XIRP2: variants seen among roughly 807,000 people sequenced by gnomAD.
XIRP2 encodes xin actin-binding repeat-containing protein 2.
In XIRP2, 236 loss-of-function variants were observed where a neutral mutation model predicts 277.0. The ratio of observed to expected loss-of-function variants is 0.85; its 90% confidence interval spans 0.77 to 0.95. The LOEUF (loss-of-function observed/expected upper bound fraction) is 0.95. XIRP2 is among the 40% of genes least tolerant of loss of function. The probability of loss-of-function intolerance (pLI) is 0.00; values close to 1 mark genes in which losing one functional copy is unlikely to be tolerated. For missense variants in XIRP2, 4,640 were observed against 4,157.5 expected, an observed-to-expected ratio of 1.12 and a Z score of -3.19; for synonymous variants, 1,490 against 1,416.5, an observed-to-expected ratio of 1.05 and a Z score of -1.17.
At chr2:167,256,974 C>T (rs1301925936) in intron 10 of XIRP2, among the ~76,000 whole-genome samples, 7 of 151,934 alleles carry the variant, frequency 4.6e-5, no homozygotes, top group Non-Finnish European at 7.4e-5. Flanking sequence ...AGTTCAACCT[C>T]ACTAGCCTCT....
chr2:167,082,469 G>A lies in XIRP2; in HGVS notation c.409-53440G>A, dbSNP rs529279600. Among the ~76,000 whole-genome samples, 1,065 of 152,048 alleles carry A rather than the reference G, an allele frequency of 7.0e-3. 3 individuals carry two copies. Among genetic ancestry groups the A allele is most frequent in the Middle Eastern group, 0.051 (15 of 294 alleles). On this transcript the variant is annotated intron_variant, in intron 2 of 10. Transcript: ENST00000409195. Reference sequence around the variant, plus strand: ...TCTTTGGGTATATACCCAGTAATGGGATGGCTGGGTCAAATGGTATTTCTA... The same window carrying A: ...TCTTTGGGTATATACCCAGTAATGGAATGGCTGGGTCAAATGGTATTTCTA...
At chr2:166,998,853 TG>T (rs998933082) in intron 2 of XIRP2, among the ~76,000 whole-genome samples, 1 of 152,216 alleles carries the variant, frequency 6.6e-6, no homozygotes, top group African/African-American at 2.4e-5. Flanking sequence ...CTGAACCACC[TG>T]AGGTCTCATG....
chr2:166,998,334 C>T (rs952102437), intron 2 of XIRP2, among the ~76,000 whole-genome samples: 1 of 151,974 alleles, frequency 6.6e-6, no homozygotes, highest in African/African-American at 2.4e-5. Context: ...TGTTAAGTTC[C>T]TATGTAAGAA....
intron 3 of XIRP2, among the ~76,000 whole-genome samples, chr2:167,175,992 C>T (rs1469782824): frequency 3.9e-5 from 6 of 152,260 alleles, no homozygotes; most frequent in South Asian, 4.1e-4. Flanking sequence ...CATCCCAGGT[C>T]GACTTCAGAG....
chr2:167,020,175 G>C (rs1396583245), intron 2 of XIRP2, among the ~76,000 whole-genome samples: 2 of 151,772 alleles, frequency 1.3e-5, no homozygotes, highest in African/African-American at 4.8e-5. Context: ...AGAGAAACCA[G>C]GATTAAAGAA....
At chr2:167,075,594 T>G (rs1689544105) in intron 2 of XIRP2, among the ~76,000 whole-genome samples, 1 of 152,164 alleles carries the variant, frequency 6.6e-6, no homozygotes, top group African/African-American at 2.4e-5. Context: ...GCATTATAAT[T>G]TATAGCCAGG....
At chr2:167,170,005 G>A (rs774092355) in intron 3 of XIRP2, among the ~76,000 whole-genome samples, 18 of 152,206 alleles carry the variant, frequency 1.2e-4, no homozygotes, top group South Asian at 4.2e-4. Flanking sequence ...TATAGAAAAA[G>A]CATTCATTTT....
At chr2:167,115,366 A>C (rs574698230) in intron 2 of XIRP2, among the ~76,000 whole-genome samples, 2 of 152,196 alleles carry the variant, frequency 1.3e-5, no homozygotes, top group South Asian at 4.1e-4. Context: ...CTGTCATTTC[A>C]ACCCATTTAA....
In XIRP2 at chr2:167,247,916, C is replaced by T. The variant is rs769914429; in HGVS notation, c.6524C>T (p.Thr2175Ile). The change falls in exon 9 of 11, where the codon ACT becomes ATT. Residue 2175 changes from threonine to isoleucine, a missense_variant. Physicochemically the swap from Thr to Ile is moderately conservative, Grantham distance 89. Coordinates refer to ENST00000409195, the MANE Select transcript of XIRP2 (RefSeq NM_152381.6). ...QHPVSMPVGGTYDLSGDFQKQ... is the reference protein window; with the variant it reads ...QHPVSMPVGGIYDLSGDFQKQ... ...CCAGTCAGCATGCCAGTTGGAGGAA[C>T]TTACGACCTTTCAGGGGACTTTCAG... 40 of 1,612,940 alleles carry T rather than the reference C, an allele frequency of 2.5e-5. No homozygotes were observed. The highest frequency in any genetic ancestry group is 3.3e-5 in the Non-Finnish European group (39 of 1,179,672).
Position 167,239,577 on chromosome 2 carries a change from T to C in XIRP2, c.859-278T>C, listed in dbSNP as rs922910187. Among the ~76,000 whole-genome samples the C allele has an allele frequency of 2.6e-5, 4 of 152,250 alleles. No individual in the cohort carries two copies. In the Middle Eastern group the frequency reaches 0.01, roughly 388 times the overall value. On this transcript the variant is annotated intron_variant, in intron 5 of 10. Transcript: ENST00000409195. ...AAGCTGCAAAAGGCAAGGGAATGGA[T>C]TGTCCCCTCCAGCCTGCAGAACAGA...
Position 167,244,425 on chromosome 2 carries a change from A to G in XIRP2, c.3033A>G (p.Arg1011=). 5.0e-6 allele frequency: 8 copies of G among 1,613,800 alleles called. No individual in the cohort carries two copies. The highest frequency in any genetic ancestry group is 6.8e-6 in the Non-Finnish European group (8 of 1,179,832). The part of the protein sequence containing the change: ...VKTVQQEEIV[R]GDVRSCRWLF... ...CAGTCCAGCAAGAAGAAATCGTAAG[A>G]GGTGATGTAAGAAGCTGTAGGTGGC... Residue 1011 remains arginine (R), a synonymous_variant, in exon 9 of 11, where the codon AGA becomes AGG. Transcript: ENST00000409195.
At chr2:166,923,813 T>G (rs965189967) in intron 2 of XIRP2, among the ~76,000 whole-genome samples, 3 of 152,098 alleles carry the variant, frequency 2.0e-5, no homozygotes, top group Non-Finnish European at 4.4e-5. Context: ...CATCTACATT[T>G]CCAGTAAAGT....
At chr2:166,968,772 C>G (rs1196150579) in intron 2 of XIRP2, among the ~76,000 whole-genome samples, 2 of 151,592 alleles carry the variant, frequency 1.3e-5, no homozygotes, top group Admixed American at 1.3e-4. Context: ...TTAACAGAAG[C>G]TAGTACAATA....
chr2:166,890,733 G>A (rs1172821444), intron 1 of XIRP2, among the ~76,000 whole-genome samples: 2 of 152,000 alleles, frequency 1.3e-5, no homozygotes, highest in African/African-American at 4.8e-5. Flanking sequence ...GGTATTGTCT[G>A]GTACGCAGCC....
chr2:167,062,976 T>C (rs1219625890), intron 2 of XIRP2, among the ~76,000 whole-genome samples: 1 of 151,990 alleles, frequency 6.6e-6, no homozygotes, highest in East Asian at 1.9e-4. Flanking sequence ...TTGTTAATTT[T>C]TCTTATTTTG....
chr2:167,145,842 T>C (rs1487911966), intron 3 of XIRP2, among the ~76,000 whole-genome samples: 6 of 152,088 alleles, frequency 3.9e-5, no homozygotes, highest in Non-Finnish European at 7.4e-5. Context: ...ACCTCTCAAA[T>C]TGCCACTGTG....
chr2:167,031,672 G>T (rs56956793), intron 2 of XIRP2, among the ~76,000 whole-genome samples: 1,663 of 152,166 alleles, frequency 0.011, 28 homozygotes, highest in African/African-American at 0.038. Context: ...CAGACAAACA[G>T]AGCCAAATCA....
At chr2:167,076,890 G>A (rs1266137583) in intron 2 of XIRP2, among the ~76,000 whole-genome samples, 1 of 152,126 alleles carries the variant, frequency 6.6e-6, no homozygotes, top group Admixed American at 6.5e-5. Flanking sequence ...GGAGTGCAGT[G>A]GGGCAATCTC....
At chr2:167,219,683 C>T (rs1694364472) in intron 5 of XIRP2, among the ~76,000 whole-genome samples, 1 of 152,182 alleles carries the variant, frequency 6.6e-6, no homozygotes, top group African/African-American at 2.4e-5. Flanking sequence ...GAACAAGGGA[C>T]TCTACGTTTT....
Sources: allele counts gnomAD v4.1 joint callset (sites outside exome capture counted in the v4.1 genomes callset), GRCh38; gene constraint gnomAD v4.1.1; transcripts MANE v1.5; gene names NCBI Gene and HGNC (gene_info 2026-07-23, HGNC 2026-07-21).